The following NELL1 variants were observed in gnomAD, a reference collection of about 807,000 sequenced individuals.
The protein encoded by NELL1 is neural EGFL like 1.
Under a neutral mutation model 107.4 loss-of-function variants are expected in NELL1, and 76 were observed. The ratio of observed to expected loss-of-function variants is 0.71; its 90% CI spans 0.59 to 0.86. The LOEUF (loss-of-function observed/expected upper bound fraction) is 0.86, where lower values mean the gene tolerates loss of function less well. Among genes scored for constraint, NELL1 ranks in the 40% least tolerant of loss-of-function variants. The pLI is 0.00. For synonymous variants in NELL1, 353 were observed against 341.2 expected (o/e 1.03, Z -0.38); for missense variants, 1,024 against 1,005.5 (o/e 1.02, Z -0.25).
At chr11:20,677,575 A>T (rs1854089543) in intron 1 of NELL1, among the ~76,000 whole-genome samples, 1 of 152,204 alleles carries the variant, frequency 6.6e-6, no homozygotes, top group African/African-American at 2.4e-5. Flanking sequence ...GTACTTGATT[A>T]TGGGGTTCTG....
intron 12 of NELL1, among the ~76,000 whole-genome samples, chr11:20,985,455 A>G (rs955936002): frequency 6.6e-6 from 1 of 152,148 alleles, no homozygotes; most frequent in South Asian, 2.1e-4. Flanking sequence ...ACAGTTATGG[A>G]AAATCTATGA....
intron 5 of NELL1, among the ~76,000 whole-genome samples, chr11:20,886,074 G>GGGAGCAGTAGACAC (rs1849502203): frequency 6.6e-6 from 1 of 152,266 alleles, no homozygotes; most frequent in Admixed American, 6.5e-5. Context: ...TGGACACAAA[G>GGGAGCAGTAGACAC]ATGGGAGCAG....
At chr11:21,389,740 T>A (rs752692943) in intron 15 of NELL1, among the ~76,000 whole-genome samples, 26 of 151,834 alleles carry the variant, frequency 1.7e-4, no homozygotes, top group Middle Eastern at 3.2e-3. Context: ...ATTCATGCTG[T>A]GAATTGGTTG....
intron 12 of NELL1, among the ~76,000 whole-genome samples, chr11:21,012,390 T>C (rs1312990073): frequency 6.6e-6 from 1 of 152,072 alleles, no homozygotes; most frequent in African/African-American, 2.4e-5. Flanking sequence ...GTTAGGGCCA[T>C]TGTCTTGAAA....
At chr11:20,968,381 CA>C (rs1461959810) in intron 12 of NELL1, among the ~76,000 whole-genome samples, 1 of 137,090 alleles carries the variant, frequency 7.3e-6, no homozygotes, top group African/African-American at 2.9e-5. Flanking sequence ...GGAAGGAAGA[CA>C]GTGCTTTTCT....
chr11:21,548,285 C>T (rs1856491792), intron 16 of NELL1, among the ~76,000 whole-genome samples: 1 of 151,770 alleles, frequency 6.6e-6, no homozygotes, highest in African/African-American at 2.4e-5. Context: ...TATTAAGTAT[C>T]ATTAATATTT....
intron 16 of NELL1, among the ~76,000 whole-genome samples, chr11:21,556,815 G>C (rs757035585): frequency 1.3e-5 from 2 of 151,882 alleles, no homozygotes; most frequent in African/African-American, 2.4e-5. Context: ...AAGAAACACA[G>C]AGAGATCACA....
intron 13 of NELL1, among the ~76,000 whole-genome samples, chr11:21,211,577 C>G (rs1857498183): frequency 6.6e-6 from 1 of 151,986 alleles, no homozygotes; most frequent in African/African-American, 2.4e-5. Flanking sequence ...AAATAAATTG[C>G]AGGTGGGCAA....
At chr11:21,264,071 G>GTGTGTGTGTGTGTGT (rs1554989862) in intron 14 of NELL1, among the ~76,000 whole-genome samples, 6 of 139,532 alleles carry the variant, frequency 4.3e-5, no homozygotes, top group Non-Finnish European at 7.8e-5. Flanking sequence ...TCTACAATGG[G>GTGTGTGTGTGTGTGT]GTGTGTGTGT....
intron 15 of NELL1, among the ~76,000 whole-genome samples, chr11:21,472,733 T>A (rs931379297): frequency 1.3e-5 from 2 of 151,954 alleles, no homozygotes; most frequent in African/African-American, 4.8e-5. Context: ...TGATATCTGC[T>A]GAGATGACAC....
chr11:21,540,238 A>C (rs925960143), intron 16 of NELL1, among the ~76,000 whole-genome samples: 3 of 151,976 alleles, frequency 2.0e-5, no homozygotes, highest in Admixed American at 1.3e-4. Context: ...CATTGTTGTT[A>C]ATTATAATCA....
At chr11:21,421,225 C>G (rs2133822043) in intron 15 of NELL1, among the ~76,000 whole-genome samples, 1 of 152,298 alleles carries the variant, frequency 6.6e-6, no homozygotes, top group African/African-American at 2.4e-5. Context: ...GAATCTGCCT[C>G]TTCACCTAAA....
chr11:20,982,886 G>C (rs1001107661), intron 12 of NELL1, among the ~76,000 whole-genome samples: 1 of 152,142 alleles, frequency 6.6e-6, no homozygotes, highest in South Asian at 2.1e-4. Context: ...TTAATGATTT[G>C]GGATCTTTGT....
At chr11:21,239,797 G>T (rs549173435) in intron 14 of NELL1, among the ~76,000 whole-genome samples, 2 of 152,044 alleles carry the variant, frequency 1.3e-5, no homozygotes, top group African/African-American at 4.8e-5. Flanking sequence ...ATGGTTCTTG[G>T]CTCTCTGGGA....
intron 15 of NELL1, among the ~76,000 whole-genome samples, chr11:21,452,807 A>C (rs1853621253): frequency 6.6e-6 from 1 of 151,962 alleles, no homozygotes; most frequent in Non-Finnish European, 1.5e-5. Flanking sequence ...AGTACTATAA[A>C]TTACCTTTTA....
chr11:21,567,567 C>T (rs754559206), intron 17 of NELL1, among the ~76,000 whole-genome samples: 20 of 151,890 alleles, frequency 1.3e-4, no homozygotes, highest in Middle Eastern at 6.8e-3. Flanking sequence ...CCAATGCACA[C>T]GATACATTTT....
intron 3 of NELL1, among the ~76,000 whole-genome samples, chr11:20,800,486 GTATGT>G (rs149828167): frequency 0.072 from 10,949 of 152,176 alleles, 452 homozygotes; most frequent in Middle Eastern, 0.15. Flanking sequence ...TTGGCTGCTT[GTATGT>G]CTTCTTTTGG....
At chr11:20,963,230 A>G (rs923669894) in intron 12 of NELL1, among the ~76,000 whole-genome samples, 1 of 152,136 alleles carries the variant, frequency 6.6e-6, no homozygotes, top group African/African-American at 2.4e-5. Flanking sequence ...GCTCAAAGAA[A>G]GTCCTTCGTA....
intron 3 of NELL1, among the ~76,000 whole-genome samples, chr11:20,822,272 A>G (rs376250516): frequency 2.6e-5 from 4 of 152,210 alleles, no homozygotes; most frequent in African/African-American, 7.2e-5. Flanking sequence ...TGGCATAATC[A>G]GGACTCAGAG....
Sources: allele counts gnomAD v4.1 joint callset (sites outside exome capture counted in the v4.1 genomes callset), GRCh38; gene constraint gnomAD v4.1.1; transcripts MANE v1.5; gene names NCBI Gene and HGNC (gene_info 2026-07-23, HGNC 2026-07-21).